The following OPCML variants were observed in gnomAD, a reference collection of about 807,000 sequenced individuals.
The protein encoded by OPCML is opioid-binding protein/cell adhesion molecule.
OPCML carries 13 observed loss-of-function variants against 37.8 expected under a neutral mutation model. The ratio of observed to expected loss-of-function variants is 0.34; its 90% CI spans 0.22 to 0.55. The LOEUF is 0.55. Among genes scored for constraint, OPCML ranks in the 20% least tolerant of loss-of-function variants. OPCML has a pLI of 0.91. For synonymous variants in OPCML, 176 were observed against 168.8 expected (o/e 1.04, Z -0.33); for missense variants, 341 against 435.6 (o/e 0.78, Z 1.93).
At chr11:132,831,913 T>C (rs12806097) in intron 2 of OPCML, among the ~76,000 whole-genome samples, 10,752 of 152,130 alleles carry the variant, frequency 0.071, 430 homozygotes, top group Non-Finnish European at 0.082. Context: ...GTGCACCTCC[T>C]GTCTTCCCTC....
chr11:132,705,735 A>T (rs1187782534), intron 2 of OPCML, among the ~76,000 whole-genome samples: 1 of 152,174 alleles, frequency 6.6e-6, no homozygotes, highest in Non-Finnish European at 1.5e-5. Context: ...GCAGATGTTC[A>T]TGCTGTACTT....
rs750298757 is a variant in OPCML at position 132,492,522 on chromosome 11, CGTT to C, written c.505+36536_505+36538del. ...GTGTTGTTGTTGTCATTGTTGTTGT[CGTT>C]GTTGTTGTTGTTTTAACTGGGGGAG... On this transcript the variant is annotated intron_variant, in intron 4 of 7. Transcript: ENST00000524381. Among the ~76,000 whole-genome samples, 9 of 151,862 alleles carry C rather than the reference CGTT, an allele frequency of 5.9e-5. No homozygotes were observed. In the South Asian group the frequency reaches 6.2e-4, roughly 11 times the overall value.
chr11:133,269,930 A>G (rs186816724), intron 1 of OPCML, among the ~76,000 whole-genome samples: 221 of 152,326 alleles, frequency 1.5e-3, no homozygotes, highest in Admixed American at 4.5e-3. Flanking sequence ...AAGAGGTGTG[A>G]TTTTATACAT....
intron 1 of OPCML, among the ~76,000 whole-genome samples, chr11:132,971,237 A>C (rs1168154790): frequency 6.6e-6 from 1 of 152,218 alleles, no homozygotes; most frequent in Non-Finnish European, 1.5e-5. Flanking sequence ...TTTGTTCTTT[A>C]TAATAGCTTG....
At position 132,943,833 on chromosome 11, in the gene OPCML, A is replaced by AGACGCGGG. The variant is rs1218561994; in HGVS notation, c.62-831_62-824dup. The AGACGCGGG allele has an allele frequency of 2.0e-5, 3 of 150,434 alleles. No individual in the cohort carries two copies. The highest frequency in any genetic ancestry group is 4.4e-5 in the Non-Finnish European group (3 of 67,468). 9.3% of individuals were successfully genotyped at this position (150,434 alleles called of 1,614,324 possible). ...CCGCCTCCTCCGGGGACGCGGCACG[A>AGACGCGGG]GACGCGGGGACGCGCGGACGCCACG... is the stretch of plus-strand genomic sequence containing the variant. On this transcript the variant is annotated intron_variant, in intron 1 of 7. Coordinates refer to ENST00000524381, the MANE Select transcript of OPCML (RefSeq NM_001012393.5). This position sits in a 1 kb window ranked among gnomAD's most constrained non-coding sequence, Gnocchi z 4.3.
chr11:132,573,585 T>C (rs1243554715), intron 3 of OPCML, among the ~76,000 whole-genome samples: 1 of 151,994 alleles, frequency 6.6e-6, no homozygotes, highest in Non-Finnish European at 1.5e-5. Flanking sequence ...TAAATTCCAC[T>C]TGGTTGTGGT....
chr11:133,415,995 A>G (rs1351116604), intron 1 of OPCML, among the ~76,000 whole-genome samples: 1 of 151,988 alleles, frequency 6.6e-6, no homozygotes, highest in Non-Finnish European at 1.5e-5. Flanking sequence ...CTCCCCTAAA[A>G]CCTCCGAAAA....
intron 1 of OPCML, among the ~76,000 whole-genome samples, chr11:133,091,179 T>C (rs1004100379): frequency 1.3e-5 from 2 of 152,188 alleles, no homozygotes; most frequent in East Asian, 3.9e-4. Context: ...AGTGGTCAGC[T>C]TTGGTGGTGT....
At chr11:133,110,160 G>T (rs906320784) in intron 1 of OPCML, among the ~76,000 whole-genome samples, 4 of 152,088 alleles carry the variant, frequency 2.6e-5, no homozygotes, top group African/African-American at 9.7e-5. Flanking sequence ...ACCCTGTTCT[G>T]GTCCATTAAG....
intron 1 of OPCML, among the ~76,000 whole-genome samples, chr11:133,137,889 T>G (rs1195149496): frequency 6.6e-6 from 1 of 152,172 alleles, no homozygotes; most frequent in Non-Finnish European, 1.5e-5. Flanking sequence ...TAGAGAGGTT[T>G]GCAAACAGCA....
At chr11:132,559,848 A>G (rs147237646) in intron 3 of OPCML, among the ~76,000 whole-genome samples, 10 of 152,330 alleles carry the variant, frequency 6.6e-5, no homozygotes, top group African/African-American at 1.9e-4. Flanking sequence ...AAGACAGCAT[A>G]TGCCTCCTGG....
chr11:132,872,169 C>G (rs1942823079), intron 2 of OPCML, among the ~76,000 whole-genome samples: 1 of 152,090 alleles, frequency 6.6e-6, no homozygotes, highest in Non-Finnish European at 1.5e-5. Context: ...AGTTTGTGCT[C>G]AAAGATTATT....
At chr11:132,446,399 G>T (rs1476094142) in intron 4 of OPCML, among the ~76,000 whole-genome samples, 2 of 151,828 alleles carry the variant, frequency 1.3e-5, no homozygotes, top group Non-Finnish European at 2.9e-5. Flanking sequence ...TTCCATACAG[G>T]CAGACAAATG....
At chr11:132,975,580 A>C (rs1404215350) in intron 1 of OPCML, among the ~76,000 whole-genome samples, 1 of 118,972 alleles carries the variant, frequency 8.4e-6, no homozygotes, top group Non-Finnish European at 1.7e-5. Flanking sequence ...AAAAAAAAAA[A>C]AAACAAGCAC....
chr11:132,671,887 A>G (rs1793275), intron 2 of OPCML, among the ~76,000 whole-genome samples: 12,842 of 152,228 alleles, frequency 0.084, 657 homozygotes, highest in Non-Finnish European at 0.11. Context: ...AGAAATGCAT[A>G]TGTAGAAAAT....
chr11:133,173,787 C>G lies in OPCML; in HGVS notation c.62-230777G>C, dbSNP rs1950321396. 6.6e-6 allele frequency among the ~76,000 whole-genome samples: 1 copy of G among 152,302 alleles called. No individual in the cohort carries two copies. The highest frequency in any genetic ancestry group is 3.4e-3 in the Middle Eastern group (1 of 294). ...TAGAATTACGTTTTTCTCTTTTTCC[C>G]CATCCCAGCTTCCATAGCAATACGA... On this transcript the variant is annotated intron_variant, in intron 1 of 7. Transcript: ENST00000524381. The surrounding 1 kb of genome is among the most constrained non-coding windows in gnomAD (Gnocchi z 7.8).
chr11:133,161,553 G>A (rs560163541), intron 1 of OPCML, among the ~76,000 whole-genome samples: 3 of 152,296 alleles, frequency 2.0e-5, no homozygotes, highest in African/African-American at 7.2e-5. Context: ...TTAGGGAACA[G>A]TTACAGAGGA....
At chr11:133,245,983 G>C (rs552071761) in intron 1 of OPCML, among the ~76,000 whole-genome samples, 8 of 152,250 alleles carry the variant, frequency 5.3e-5, no homozygotes, top group African/African-American at 1.9e-4. Flanking sequence ...TGGGGGTCAA[G>C]GGGAGGGAGA....
intron 1 of OPCML, among the ~76,000 whole-genome samples, chr11:133,289,544 G>A (rs1311160534): frequency 7.2e-6 from 1 of 139,604 alleles, no homozygotes; most frequent in Non-Finnish European, 1.5e-5. Context: ...GCAGTGAGCC[G>A]AGATCCCGCC....
Sources: gnomAD v4.1 joint callset for allele counts (sites outside exome capture counted in the v4.1 genomes callset) on GRCh38, gnomAD v4.1.1 for gene constraint, Gnocchi (gnomAD v3.1) non-coding constraint, MANE v1.5 for transcripts, NCBI Gene and HGNC (gene_info 2026-07-23, HGNC 2026-07-21) for gene names.